The following EPHB1 variants were observed in gnomAD, a reference collection of about 807,000 sequenced individuals.
EPHB1 encodes EPH receptor B1, also known as ephrin type-B receptor 1.
Under a neutral mutation model 94.4 loss-of-function variants are expected in EPHB1, and 30 were observed. The observed-to-expected ratio is 0.32, with a 90% CI of 0.24 to 0.43. The LOEUF is 0.43. Among genes scored for constraint, EPHB1 ranks in the 20% least tolerant of loss-of-function variants. The probability of loss-of-function intolerance (pLI) is 1.00; values close to 1 mark genes in which losing one functional copy is unlikely to be tolerated. For synonymous variants in EPHB1, 522 were observed against 489.1 expected, an observed-to-expected ratio of 1.07 and a Z score of -0.89; for missense variants, 1,055 against 1,308.3, an observed-to-expected ratio of 0.81 and a Z score of 2.99.
At chr3:135,026,105 G>T (rs1387921635) in intron 3 of EPHB1, among the ~76,000 whole-genome samples, 1 of 115,054 alleles carries the variant, frequency 8.7e-6, no homozygotes, top group Non-Finnish European at 1.8e-5. Context: ...TGTAGATTCT[G>T]GATATTAGCC....
Position 135,180,817 on chromosome 3 carries a change from A to G in EPHB1, c.1882+835A>G, listed in dbSNP as rs183975855. The stretch of plus-strand genomic sequence containing the variant: ...TGCGTCTTATGAACCTTTTTAAAAG[A>G]TGTGTTAAATTTGTTTTATTTTCTT... On this transcript the variant is annotated intron_variant, in intron 10 of 15. Transcript: ENST00000398015. Among the ~76,000 whole-genome samples the G allele has an allele frequency of 1.1e-3, 166 of 152,324 alleles. 1 individual carries two copies. The highest frequency in any genetic ancestry group is 3.7e-3 in the African/African-American group (152 of 41,574).
chr3:134,955,834 T>C (rs1933248746), intron 3 of EPHB1, among the ~76,000 whole-genome samples: 1 of 152,200 alleles, frequency 6.6e-6, no homozygotes, highest in Non-Finnish European at 1.5e-5. Context: ...TGTTAATTAC[T>C]AGGAAAATGC....
intron 3 of EPHB1, among the ~76,000 whole-genome samples, chr3:135,098,338 T>TTGAG (rs1385561018): frequency 1.6e-5 from 2 of 124,908 alleles, no homozygotes; most frequent in African/African-American, 7.3e-5. Context: ...TATGATATGT[T>TTGAG]TGAGTGTGTG....
Position 134,955,071 on chromosome 3 carries a change from CTTTTTTTTTTTTTTTTTTT to C in EPHB1, c.805+3033_805+3051del, listed in dbSNP as rs1197013147. The stretch of plus-strand genomic sequence containing the variant: ...CTAAGGCCTGTTCCTGACATCCTTT[CTTTTTTTTTTTTTTTTTTT>C]TTTTTTTTTTTTTAATTTTTTTTTT... On this transcript the variant is annotated intron_variant, in intron 3 of 15. Coordinates refer to ENST00000398015, the MANE Select transcript of EPHB1 (RefSeq NM_004441.5). Among the ~76,000 whole-genome samples the C allele has an allele frequency of 1.0e-2, 84 of 8,424 alleles. 18 individuals are homozygous for C. The highest frequency in any genetic ancestry group is 0.031 in the African/African-American group (73 of 2,332). 5.5% of individuals were successfully genotyped at this position (8,424 alleles called of 152,430 possible). A position where few individuals can be genotyped will look rare whatever the true frequency, so the allele number is the denominator to read the frequency against.
chr3:135,111,068 A>G (rs1368402390), intron 4 of EPHB1, among the ~76,000 whole-genome samples: 1 of 152,222 alleles, frequency 6.6e-6, no homozygotes, highest in East Asian at 1.9e-4. Context: ...TGGCCTCTGC[A>G]GCCAGGTTTG....
chr3:135,048,244 C>CTT (rs1937061931), intron 3 of EPHB1, among the ~76,000 whole-genome samples: 3 of 81,106 alleles, frequency 3.7e-5, no homozygotes, highest in East Asian at 3.9e-4. Context: ...TTTTCTTTTT[C>CTT]TTTCTTTCTT....
chr3:135,074,094 C>T (rs907032873), intron 3 of EPHB1, among the ~76,000 whole-genome samples: 3 of 152,180 alleles, frequency 2.0e-5, no homozygotes, highest in Non-Finnish European at 2.9e-5. Context: ...TATTCCAATT[C>T]TATCATTCTT....
chr3:134,909,112 G>GCGGGA (rs527679026), intron 1 of EPHB1, among the ~76,000 whole-genome samples: 1 of 114,266 alleles, frequency 8.8e-6, no homozygotes, highest in Non-Finnish European at 1.7e-5. Flanking sequence ...CACAAGGTGG[G>GCGGGA]GGCGGGGGGC....
intron 1 of EPHB1, among the ~76,000 whole-genome samples, chr3:134,897,419 C>A (rs1022897403): frequency 6.6e-6 from 1 of 152,208 alleles, no homozygotes. Flanking sequence ...ACCCTCAGTG[C>A]AGGCCAGCAA....
At chr3:134,835,028 G>A (rs570004019) in intron 1 of EPHB1, among the ~76,000 whole-genome samples, 10 of 152,268 alleles carry the variant, frequency 6.6e-5, no homozygotes, top group Middle Eastern at 6.8e-3. Flanking sequence ...ATTTAGAGGC[G>A]CACTCTCATG....
intron 5 of EPHB1, among the ~76,000 whole-genome samples, chr3:135,145,850 C>A (rs751367943): frequency 6.6e-6 from 1 of 152,224 alleles, no homozygotes; most frequent in African/African-American, 2.4e-5. Flanking sequence ...CCACCTCATG[C>A]TCCTTCAAAG....
chr3:135,033,999 C>T (rs1011212011), intron 3 of EPHB1, among the ~76,000 whole-genome samples: 8 of 152,042 alleles, frequency 5.3e-5, no homozygotes, highest in Admixed American at 2.6e-4. Flanking sequence ...GTCAAACCTC[C>T]GTCAATATTT....
intron 1 of EPHB1, among the ~76,000 whole-genome samples, chr3:134,814,627 A>G (rs1179198623): frequency 6.6e-6 from 1 of 152,160 alleles, no homozygotes; most frequent in East Asian, 1.9e-4. Context: ...ATCATCCGAA[A>G]TGGGGAACCT....
chr3:135,125,191 C>T (rs1269299078), intron 4 of EPHB1, among the ~76,000 whole-genome samples: 2 of 151,580 alleles, frequency 1.3e-5, no homozygotes, highest in Admixed American at 1.3e-4. Context: ...TTCCACAGGC[C>T]CCTGGTAACT....
At chr3:134,973,587 A>G (rs974068656) in intron 3 of EPHB1, among the ~76,000 whole-genome samples, 5 of 151,740 alleles carry the variant, frequency 3.3e-5, no homozygotes, top group African/African-American at 1.2e-4. Flanking sequence ...ATGCACCACC[A>G]TGCCCAGCTA....
chr3:134,824,003 C>T (rs1272501229), intron 1 of EPHB1: 1 of 152,104 alleles, frequency 6.6e-6, no homozygotes, highest in African/African-American at 2.4e-5. Flanking sequence ...AGCACACTGA[C>T]ATTTGGAACA....
At chr3:135,244,676 C>CAA (rs1374032238) in intron 13 of EPHB1, among the ~76,000 whole-genome samples, 1 of 152,178 alleles carries the variant, frequency 6.6e-6, no homozygotes, top group Non-Finnish European at 1.5e-5. Flanking sequence ...AGAATGATTT[C>CAA]AAAGTCCCAT....
chr3:134,877,383 A>C (rs1282201648), intron 1 of EPHB1, among the ~76,000 whole-genome samples: 1 of 152,166 alleles, frequency 6.6e-6, no homozygotes, highest in Non-Finnish European at 1.5e-5. Flanking sequence ...CCCTGTTGCT[A>C]AGCCCCCTGA....
At chr3:134,882,750 CT>C (rs1464088898) in intron 1 of EPHB1, among the ~76,000 whole-genome samples, 602 of 43,504 alleles carry the variant, frequency 0.014, 10 homozygotes, top group South Asian at 0.049. Context: ...TTCTTTCTTC[CT>C]TTCTTCCTTC....
Sources: gnomAD v4.1 joint callset for allele counts (sites outside exome capture counted in the v4.1 genomes callset) on GRCh38, gnomAD v4.1.1 for gene constraint, MANE v1.5 for transcripts, NCBI Gene and HGNC (gene_info 2026-07-23, HGNC 2026-07-21) for gene names.